The following OPCML variants were observed in gnomAD, a reference collection of about 807,000 sequenced individuals.
OPCML encodes opioid-binding protein/cell adhesion molecule.
Under a neutral mutation model 37.8 loss-of-function variants are expected in OPCML, and 13 were observed. The observed-to-expected ratio is 0.34, with a 90% CI of 0.22 to 0.55. The LOEUF is 0.55. OPCML is among the 20% of genes least tolerant of loss of function. The probability of loss-of-function intolerance (pLI) is 0.91; values close to 1 mark genes in which losing one functional copy is unlikely to be tolerated. For synonymous variants in OPCML, 176 were observed against 168.8 expected (o/e 1.04, Z -0.33); for missense variants, 341 against 435.6 (o/e 0.78, Z 1.93).
intron 2 of OPCML, among the ~76,000 whole-genome samples, chr11:132,789,724 A>G (rs762947237): frequency 6.6e-6 from 1 of 152,252 alleles, no homozygotes; most frequent in African/African-American, 2.4e-5. Flanking sequence ...AATAACATAC[A>G]TAAAAGAAAA....
chr11:132,443,846 C>A (rs956960045), intron 4 of OPCML, among the ~76,000 whole-genome samples: 1 of 152,206 alleles, frequency 6.6e-6, no homozygotes, highest in Non-Finnish European at 1.5e-5. Flanking sequence ...TCCTATCACT[C>A]ATCTTTCTTT....
intron 1 of OPCML, among the ~76,000 whole-genome samples, chr11:133,366,945 C>T (rs117776919): frequency 0.031 from 4,708 of 152,184 alleles, 118 homozygotes; most frequent in Non-Finnish European, 0.043. Flanking sequence ...CTTCACTCAC[C>T]CCTCATGTCT....
intron 1 of OPCML, among the ~76,000 whole-genome samples, chr11:133,440,966 C>G (rs59674241): frequency 0.079 from 11,976 of 150,812 alleles, 1,526 homozygotes; most frequent in African/African-American, 0.27. Context: ...CACAAAGAAA[C>G]AGGAAATTGT....
intron 4 of OPCML, among the ~76,000 whole-genome samples, chr11:132,458,842 T>G (rs1042268958): frequency 1.3e-5 from 2 of 152,158 alleles, no homozygotes; most frequent in African/African-American, 4.8e-5. Context: ...AATAGATTGT[T>G]CTGGTTGACA....
At chr11:132,487,169 A>G (rs1343429404) in intron 4 of OPCML, among the ~76,000 whole-genome samples, 5 of 152,216 alleles carry the variant, frequency 3.3e-5, no homozygotes, top group African/African-American at 1.2e-4. Flanking sequence ...CAGTTGCTAC[A>G]TAAAGAAAAA....
At chr11:133,442,910 G>A (rs771570037) in intron 1 of OPCML, among the ~76,000 whole-genome samples, 6 of 152,074 alleles carry the variant, frequency 3.9e-5, no homozygotes, top group Admixed American at 6.6e-5. Flanking sequence ...ATAGAAGTGC[G>A]TTTGGTTGGA....
At chr11:132,846,664 C>T (rs1941554616) in intron 2 of OPCML, among the ~76,000 whole-genome samples, 1 of 152,156 alleles carries the variant, frequency 6.6e-6, no homozygotes, top group African/African-American at 2.4e-5. Flanking sequence ...CTGATAAATG[C>T]TTGTCTGGTC....
At chr11:133,409,162 G>A (rs566664832) in intron 1 of OPCML, among the ~76,000 whole-genome samples, 411 of 152,254 alleles carry the variant, frequency 2.7e-3, no homozygotes, top group African/African-American at 7.8e-3. Flanking sequence ...CAACCAACGC[G>A]TCATGATACC....
At chr11:133,512,943 A>G (rs1948191163) in intron 1 of OPCML, among the ~76,000 whole-genome samples, 1 of 152,260 alleles carries the variant, frequency 6.6e-6, no homozygotes, top group African/African-American at 2.4e-5. Context: ...ATGTAAACCC[A>G]TTTTCAAGAA....
intron 2 of OPCML, among the ~76,000 whole-genome samples, chr11:132,783,222 C>A (rs779295497): frequency 2.6e-5 from 4 of 152,008 alleles, no homozygotes; most frequent in Non-Finnish European, 4.4e-5. Context: ...GATGGGGATT[C>A]GGAGCTGAGT....
At chr11:133,279,886 T>C (rs1942097702) in intron 1 of OPCML, among the ~76,000 whole-genome samples, 1 of 152,210 alleles carries the variant, frequency 6.6e-6, no homozygotes, top group Non-Finnish European at 1.5e-5. Flanking sequence ...TAAATACTGG[T>C]GCAGGAGTTA....
chr11:133,427,662 T>C (rs538078506), intron 1 of OPCML, among the ~76,000 whole-genome samples: 197 of 152,162 alleles, frequency 1.3e-3, no homozygotes, highest in African/African-American at 4.4e-3. Context: ...CAATTCCAGT[T>C]ATAATTTGAA....
At chr11:133,263,511 C>A (rs1444943312) in intron 1 of OPCML, among the ~76,000 whole-genome samples, 1 of 152,086 alleles carries the variant, frequency 6.6e-6, no homozygotes, top group Non-Finnish European at 1.5e-5. Flanking sequence ...GTAGGCTGTA[C>A]CTTCTAGGTG....
chr11:133,074,270 A>G (rs1013010581), intron 1 of OPCML, among the ~76,000 whole-genome samples: 1 of 152,222 alleles, frequency 6.6e-6, no homozygotes, highest in Non-Finnish European at 1.5e-5. Flanking sequence ...CTGGATTCAG[A>G]TATTATATCT....
intron 2 of OPCML, among the ~76,000 whole-genome samples, chr11:132,663,133 G>A (rs964375953): frequency 5.3e-5 from 8 of 152,156 alleles, no homozygotes; most frequent in African/African-American, 1.9e-4. Flanking sequence ...TCTTCATAGA[G>A]CTTACATCAC....
intron 1 of OPCML, among the ~76,000 whole-genome samples, chr11:133,387,986 A>G (rs1324620321): frequency 6.6e-6 from 1 of 152,138 alleles, no homozygotes; most frequent in Non-Finnish European, 1.5e-5. Context: ...GCACCATGTT[A>G]GAGTGGGTGA....
intron 1 of OPCML, among the ~76,000 whole-genome samples, chr11:133,444,467 T>TTA (rs1946429885): frequency 6.6e-6 from 1 of 152,122 alleles, no homozygotes; most frequent in Non-Finnish European, 1.5e-5. Context: ...ACTGAGTTAG[T>TTA]TATATATATA....
Position 132,713,006 on chromosome 11 carries a change from G to A in OPCML, c.147-55687C>T, listed in dbSNP as rs972781945. On this transcript the variant is annotated intron_variant, in intron 2 of 7. Transcript: ENST00000524381. ...ACCTCTGCTAGCCAGGGTGGGCTCCGAGGGCGCTTTCCACACCCCAACACA... is the reference window on the plus strand; with the variant it reads ...ACCTCTGCTAGCCAGGGTGGGCTCCAAGGGCGCTTTCCACACCCCAACACA... 2.0e-5 allele frequency among the ~76,000 whole-genome samples: 3 copies of A among 152,114 alleles called. 1 individual carries two copies. Among genetic ancestry groups the A allele is most frequent in the African/African-American group, 4.8e-5 (2 of 41,420 alleles).
intron 1 of OPCML, among the ~76,000 whole-genome samples, chr11:133,090,300 G>A (rs1217705305): frequency 6.6e-6 from 1 of 152,100 alleles, no homozygotes; most frequent in Non-Finnish European, 1.5e-5. Context: ...ACATGGCTTT[G>A]GAACTGGGTA....
Sources: gnomAD v4.1 joint callset for allele counts (sites outside exome capture counted in the v4.1 genomes callset) on GRCh38, gnomAD v4.1.1 for gene constraint, MANE v1.5 for transcripts, NCBI Gene and HGNC (gene_info 2026-07-23, HGNC 2026-07-21) for gene names.